Variants in SLC44A5 observed in about 807,000 individuals in gnomAD.
SLC44A5 encodes the protein solute carrier family 44 member 5, also known as choline transporter-like protein 5.
In SLC44A5, 57 loss-of-function variants were observed where a neutral mutation model predicts 101.8. The ratio of observed to expected loss-of-function variants is 0.56; its 90% CI spans 0.45 to 0.70. The LOEUF is 0.70. Ranked by LOEUF, SLC44A5 falls within the 30% of genes least tolerant of loss-of-function variation. SLC44A5 has a pLI of 0.00. For missense variants in SLC44A5, 737 were observed against 853.1 expected (o/e 0.86, Z 1.70); for synonymous variants, 281 against 290.9 (o/e 0.97, Z 0.35).
chr1:75,576,855 A>G (rs1435637971), intron 1 of SLC44A5, among the ~76,000 whole-genome samples: 1 of 152,206 alleles, frequency 6.6e-6, no homozygotes, highest in African/African-American at 2.4e-5. Flanking sequence ...TAACCTTTCT[A>G]AACTGTTACT....
intron 2 of SLC44A5, among the ~76,000 whole-genome samples, chr1:75,441,691 T>C (rs1665212739): frequency 6.6e-6 from 1 of 152,090 alleles, no homozygotes; most frequent in South Asian, 2.1e-4. Flanking sequence ...AGCATTAGAA[T>C]ACAGCATGGT....
chr1:75,675,114 C>T, the SLC44A5 span, among the ~76,000 whole-genome samples: 26 of 152,108 alleles, frequency 1.7e-4, no homozygotes, highest in East Asian at 1.2e-3. Context: ...TGGTTTCATA[C>T]GAATTTTAAA....
the SLC44A5 span, among the ~76,000 whole-genome samples, chr1:75,687,797 G>C: frequency 6.6e-6 from 1 of 151,966 alleles, no homozygotes; most frequent in Non-Finnish European, 1.5e-5. Context: ...TCTTGCAATC[G>C]TGTCAAGATC....
chr1:75,659,885 G>A, the SLC44A5 span, among the ~76,000 whole-genome samples: 1 of 151,842 alleles, frequency 6.6e-6, no homozygotes. Context: ...TCATCAAATG[G>A]GATTCATCCC....
At chr1:75,723,621 A>G in the SLC44A5 span, 1 of 152,218 alleles carries the variant, frequency 6.6e-6, no homozygotes, top group African/African-American at 2.4e-5. Flanking sequence ...AGACATGAAT[A>G]GACAATTCCT....
At chr1:75,631,454 C>T in the SLC44A5 span, among the ~76,000 whole-genome samples, 1 of 151,922 alleles carries the variant, frequency 6.6e-6, no homozygotes, top group Non-Finnish European at 1.5e-5. Context: ...CTCACTGCAA[C>T]CTCCACCTCC....
At chr1:75,374,848 A>G (rs946341245) in intron 3 of SLC44A5, among the ~76,000 whole-genome samples, 2 of 152,212 alleles carry the variant, frequency 1.3e-5, no homozygotes, top group African/African-American at 4.8e-5. Flanking sequence ...AAATTATTAT[A>G]AAAACAAAAA....
At chr1:75,536,141 T>C (rs1670986375) in intron 2 of SLC44A5, among the ~76,000 whole-genome samples, 1 of 152,018 alleles carries the variant, frequency 6.6e-6, no homozygotes, top group Non-Finnish European at 1.5e-5. Context: ...AAGGACTTGA[T>C]AGGGAATTAC....
chr1:75,299,890 C>T (rs1348433683), intron 5 of SLC44A5, among the ~76,000 whole-genome samples: 1 of 151,466 alleles, frequency 6.6e-6, no homozygotes, highest in Non-Finnish European at 1.5e-5. Context: ...GTAGTGCATG[C>T]CTGTAATCCC....
chr1:75,376,852 G>A (rs1189319767), intron 3 of SLC44A5, among the ~76,000 whole-genome samples: 1 of 152,258 alleles, frequency 6.6e-6, no homozygotes, highest in Non-Finnish European at 1.5e-5. Flanking sequence ...GCTGAGAGCA[G>A]AAGGCTTCAG....
upstream of SLC44A5, chr1:75,615,991 T>A (rs1348954327): frequency 1.6e-6 from 1 of 631,182 alleles, no homozygotes; most frequent in African/African-American, 2.0e-5. Context: ...GAGCTCTTTG[T>A]TGCTGTGATG....
chr1:75,555,597 T>C (rs2101992762), intron 1 of SLC44A5, among the ~76,000 whole-genome samples: 1 of 152,198 alleles, frequency 6.6e-6, no homozygotes, highest in Admixed American at 6.6e-5. Flanking sequence ...CAAGCCATTA[T>C]GCTAGGGGCT....
chr1:75,298,739 T>C (rs901236671), intron 5 of SLC44A5, among the ~76,000 whole-genome samples: 1 of 152,198 alleles, frequency 6.6e-6, no homozygotes, highest in Admixed American at 6.5e-5. Flanking sequence ...GACCAAATTA[T>C]GGGTTGCCAT....
At chr1:75,330,110 C>T (rs929536218) in intron 4 of SLC44A5, among the ~76,000 whole-genome samples, 2,238 of 119,664 alleles carry the variant, frequency 0.019, 59 homozygotes, top group African/African-American at 0.073. Flanking sequence ...TATATATACA[C>T]ACACACACAC....
chr1:75,294,714 C>T (rs1653826621), intron 5 of SLC44A5, among the ~76,000 whole-genome samples: 1 of 151,988 alleles, frequency 6.6e-6, no homozygotes, highest in Non-Finnish European at 1.5e-5. Context: ...AGAAGAAAAT[C>T]CTGCCAAGTT....
At chr1:75,398,432 G>A in intron 2 of SLC44A5, 5 of 982,854 alleles carry the variant, frequency 5.1e-6, no homozygotes, top group Non-Finnish European at 6.0e-6. Flanking sequence ...CTGCCAATGA[G>A]AGGAGAAGGG....
chr1:75,269,288 A>G (rs1193870825), intron 6 of SLC44A5, among the ~76,000 whole-genome samples: 3 of 151,974 alleles, frequency 2.0e-5, no homozygotes, highest in Non-Finnish European at 2.9e-5. Context: ...TTGATTTTGA[A>G]GAACAGCTCA....
intron 2 of SLC44A5, among the ~76,000 whole-genome samples, chr1:75,416,222 G>C (rs568030378): frequency 6.6e-6 from 1 of 152,254 alleles, no homozygotes; most frequent in African/African-American, 2.4e-5. Flanking sequence ...GCAGCCTAGG[G>C]ACTTGTTGCT....
chr1:75,659,494 C>CAGAAAGGA, the SLC44A5 span, among the ~76,000 whole-genome samples: 1 of 65,540 alleles, frequency 1.5e-5, no homozygotes. Context: ...GGAAGGAAGG[C>CAGAAAGGA]AGGCAGGCAG....
Sources: allele counts gnomAD v4.1 joint callset (sites outside exome capture counted in the v4.1 genomes callset), GRCh38; gene constraint gnomAD v4.1.1; transcripts MANE v1.5; gene names NCBI Gene and HGNC (gene_info 2026-07-23, HGNC 2026-07-21).